The following UNC5C variants were observed in gnomAD, a reference collection of about 807,000 sequenced individuals.
UNC5C encodes the protein netrin receptor UNC5C.
In UNC5C, 47 loss-of-function variants were observed where a neutral mutation model predicts 99.8. The observed-to-expected ratio is 0.47, with a 90% CI of 0.37 to 0.60. The LOEUF is 0.60. UNC5C is among the 20% of genes least tolerant of loss of function. The pLI, the probability that UNC5C is intolerant of heterozygous loss-of-function variation, is 0.00. For missense variants in UNC5C, 1,062 were observed against 1,165.9 expected, an observed-to-expected ratio of 0.91 and a Z score of 1.30; for synonymous variants, 487 against 452.2, an observed-to-expected ratio of 1.08 and a Z score of -0.98.
At chr4:95,190,770 G>A (rs1737052590) in intron 12 of UNC5C, among the ~76,000 whole-genome samples, 2 of 152,214 alleles carry the variant, frequency 1.3e-5, no homozygotes, top group South Asian at 4.2e-4. Context: ...AGAGCCCAGC[G>A]TCCGCCAGGG....
chr4:95,537,539 G>A (rs1454384902), intron 1 of UNC5C, among the ~76,000 whole-genome samples: 2 of 152,226 alleles, frequency 1.3e-5, no homozygotes, highest in South Asian at 2.1e-4. Flanking sequence ...ATGTTAGGAC[G>A]ACTTACTAAT....
rs527827226 is a variant in UNC5C, at chr4:95,504,045, C to G, written c.124+44689G>C. 3.3e-5 allele frequency among the ~76,000 whole-genome samples: 5 copies of G among 152,230 alleles called. No individual in the cohort carries two copies. In the East Asian group the frequency reaches 9.7e-4, roughly 29 times the overall value. On this transcript the variant is annotated intron_variant, in intron 1 of 15. Transcript: ENST00000453304. ...ATGTAATATCACTAAGAATCCTAAA[C>G]ACTTATTTCCTACAGTTTTGTAATG...
At chr4:95,425,616 C>G (rs1746459995) in intron 1 of UNC5C, among the ~76,000 whole-genome samples, 1 of 152,208 alleles carries the variant, frequency 6.6e-6, no homozygotes, top group African/African-American at 2.4e-5. Flanking sequence ...GCCTTGTTAA[C>G]TTTATTTACT....
chr4:95,185,354 AAACT>A (rs1316291085), intron 12 of UNC5C, among the ~76,000 whole-genome samples, 158 bp from the exon 13 acceptor site: 4 of 152,096 alleles, frequency 2.6e-5, no homozygotes, highest in South Asian at 2.1e-4. Flanking sequence ...CCCTCTAACT[AAACT>A]AACTAAAGCC....
intron 1 of UNC5C, among the ~76,000 whole-genome samples, chr4:95,427,514 A>G (rs1746517435): frequency 6.6e-6 from 1 of 152,156 alleles, no homozygotes; most frequent in Non-Finnish European, 1.5e-5. Flanking sequence ...GTCTTCAACA[A>G]CCTCCATCCT....
Position 95,356,206 on chromosome 4 carries a change from A to C in UNC5C, c.125-20575T>G, listed in dbSNP as rs534462188. Among the ~76,000 whole-genome samples, 529 of 141,016 alleles carry C rather than the reference A, an allele frequency of 3.8e-3. 13 individuals are homozygous for C. The highest frequency in any genetic ancestry group is 0.011 in the African/African-American group (423 of 37,232). 92.5% of individuals were successfully genotyped at this position (141,016 alleles called of 152,430 possible). On this transcript the variant is annotated intron_variant, in intron 1 of 15. Transcript: ENST00000453304. ...AAGACCCTGTAGCAAAAAAAAAAAA[A>C]AAAAAACAAAACAAAAAAAAAACAG...
At position 95,202,947 on chromosome 4, in the gene UNC5C, C is replaced by T; in HGVS notation, c.1920G>A (p.Gly640=). 1 of 1,614,050 alleles carries T rather than the reference C, an allele frequency of 6.2e-7. No individual in the cohort carries two copies. Among genetic ancestry groups the T allele is most frequent in the Non-Finnish European group, 8.5e-7 (1 of 1,180,008 alleles). Residue 640 remains glycine, a synonymous_variant, in exon 12 of 16, where the codon GGG becomes GGA. Transcript: ENST00000453304. ...AGCAGGGGGTGGTGAAGTTTTCCTC[C>T]CCGACCACCACCACATCCTGGGGGA... ...QGQWEDVVVV[G]EENFTTPCYI... is the part of the protein sequence containing the mutation.
At chr4:95,394,987 T>A (rs1032277017) in intron 1 of UNC5C, among the ~76,000 whole-genome samples, 1 of 152,202 alleles carries the variant, frequency 6.6e-6, no homozygotes, top group Non-Finnish European at 1.5e-5. Context: ...GTAGGTCAAC[T>A]AGAATTAACT....
intron 11 of UNC5C, among the ~76,000 whole-genome samples, chr4:95,205,927 C>T (rs187606696): frequency 1.1e-4 from 16 of 151,944 alleles, no homozygotes; most frequent in Admixed American, 8.5e-4. Flanking sequence ...TACATGTCTG[C>T]AAGTAAGTGC....
At chr4:95,443,701 A>G (rs1747015651) in intron 1 of UNC5C, among the ~76,000 whole-genome samples, 2 of 152,142 alleles carry the variant, frequency 1.3e-5, no homozygotes, top group African/African-American at 4.8e-5. Context: ...TGATGTTCCT[A>G]TACAGAATTC....
At chr4:95,346,299 C>T (rs1440899969) in intron 1 of UNC5C, among the ~76,000 whole-genome samples, 1 of 151,842 alleles carries the variant, frequency 6.6e-6, no homozygotes, top group East Asian at 1.9e-4. Context: ...AAAAGTCTCC[C>T]AGCAAAGAAA....
chr4:95,456,196 C>A (rs1479206304), intron 1 of UNC5C, among the ~76,000 whole-genome samples: 6 of 151,872 alleles, frequency 4.0e-5, no homozygotes, highest in Non-Finnish European at 8.8e-5. Context: ...GAGGAACACA[C>A]CACCGACTAA....
intron 1 of UNC5C, among the ~76,000 whole-genome samples, chr4:95,407,572 T>C (rs952062564): frequency 2.0e-5 from 3 of 152,138 alleles, no homozygotes; most frequent in Non-Finnish European, 1.5e-5. Context: ...TTTTCTGGAA[T>C]TTTATGGAAG....
At chr4:95,501,481 A>C (rs1578197814) in intron 1 of UNC5C, among the ~76,000 whole-genome samples, 2 of 152,142 alleles carry the variant, frequency 1.3e-5, no homozygotes, top group Non-Finnish European at 2.9e-5. Flanking sequence ...TAGCTTAACA[A>C]AACTTTTCAT....
intron 1 of UNC5C, among the ~76,000 whole-genome samples, chr4:95,411,453 A>G (rs1745991365): frequency 6.6e-6 from 1 of 152,188 alleles, no homozygotes; most frequent in Non-Finnish European, 1.5e-5. Flanking sequence ...TTTCTGGCAC[A>G]TTATGTTACT....
At chr4:95,351,497 G>C (rs1444652275) in intron 1 of UNC5C, among the ~76,000 whole-genome samples, 1 of 152,038 alleles carries the variant, frequency 6.6e-6, no homozygotes, top group African/African-American at 2.4e-5. Context: ...TTTAGTGTTT[G>C]TAAGTACAGA....
chr4:95,349,721 A>T (rs1018065412), intron 1 of UNC5C, among the ~76,000 whole-genome samples: 6 of 152,022 alleles, frequency 3.9e-5, no homozygotes, highest in African/African-American at 9.7e-5. Context: ...TGATGTCTCC[A>T]TTAAAACCTG....
intron 1 of UNC5C, among the ~76,000 whole-genome samples, chr4:95,368,467 C>A (rs971412617): frequency 8.6e-5 from 13 of 152,024 alleles, no homozygotes; most frequent in African/African-American, 2.9e-4. Context: ...AAAATTATTT[C>A]AAAGAGCAAT....
chr4:95,462,301 CA>C (rs749408424), intron 1 of UNC5C, among the ~76,000 whole-genome samples: 2 of 152,096 alleles, frequency 1.3e-5, no homozygotes, highest in Non-Finnish European at 2.9e-5. Context: ...TCAAACTAGT[CA>C]CAGGACAAGA....
Sources: gnomAD v4.1 joint callset for allele counts (sites outside exome capture counted in the v4.1 genomes callset) on GRCh38, gnomAD v4.1.1 for gene constraint, MANE v1.5 for transcripts, NCBI Gene and HGNC (gene_info 2026-07-23, HGNC 2026-07-21) for gene names.